The following RABGEF1 variants were observed in gnomAD, a reference collection of about 807,000 sequenced individuals.
The protein encoded by RABGEF1 is rab5 GDP/GTP exchange factor.
Under a neutral mutation model 57.3 loss-of-function variants are expected in RABGEF1, and 26 were observed. The ratio of observed to expected loss-of-function variants is 0.45; its 90% CI spans 0.33 to 0.63. The LOEUF (loss-of-function observed/expected upper bound fraction) is 0.63, where lower values mean the gene tolerates loss of function less well. Among genes scored for constraint, RABGEF1 ranks in the 20% least tolerant of loss-of-function variants. The pLI is 0.02. For missense variants in RABGEF1, 464 were observed against 607.6 expected, an observed-to-expected ratio of 0.76 and a Z score of 2.48; for synonymous variants, 185 against 210.7, an observed-to-expected ratio of 0.88 and a Z score of 1.06.
At chr7:66,745,114 C>T (rs918940753) in intron 1 of RABGEF1, among the ~76,000 whole-genome samples, 27 of 152,096 alleles carry the variant, frequency 1.8e-4, no homozygotes, top group Admixed American at 3.9e-4. Flanking sequence ...ATGGCGTGAA[C>T]CCGGGAGGCG....
At chr7:66,802,589 A>G (rs1470874749) in intron 7 of RABGEF1, among the ~76,000 whole-genome samples, 1 of 152,184 alleles carries the variant, frequency 6.6e-6, no homozygotes, top group African/African-American at 2.4e-5. Context: ...TTCTCCTCAC[A>G]TGTCTCCTAG....
chr7:66,679,247 TTTA>T (rs747161581), upstream of RABGEF1, among the ~76,000 whole-genome samples: 14 of 152,226 alleles, frequency 9.2e-5, no homozygotes, highest in Non-Finnish European at 1.9e-4. Flanking sequence ...TCCCTCATCT[TTTA>T]TTCAGGTCAC....
rs2129200159 is a variant in RABGEF1 at position 66,808,966 on chromosome 7, T to C, written c.1158T>C (p.Ser386=). 1 of 1,614,044 alleles carries C rather than the reference T, an allele frequency of 6.2e-7. No homozygotes were observed. The highest frequency in any genetic ancestry group is 2.2e-5 in the East Asian group (1 of 44,892). Residue 386 remains serine (S), a synonymous_variant, in exon 9 of 9, where the codon TCT becomes TCC. Transcript: ENST00000284957. ...AGGAGGATTTTGATCGCTACATGTC[T>C]GGCCAGACCTCTCCCAGGAAGCAAG... ...LSQEDFDRYM[S]GQTSPRKQEA... is the part of the protein sequence containing the mutation.
chr7:66,781,289 A>G (rs1197118429), intron 3 of RABGEF1, among the ~76,000 whole-genome samples: 1 of 152,204 alleles, frequency 6.6e-6, no homozygotes, highest in East Asian at 1.9e-4. Flanking sequence ...AAGAAAAAAA[A>G]ATTAAAACAG....
chr7:66,656,769 A>G, the RABGEF1 span, among the ~76,000 whole-genome samples: 5,737 of 148,374 alleles, frequency 0.039, 163 homozygotes, highest in East Asian at 0.085. Context: ...GTGGGGAGTC[A>G]AGATCACGCC....
At chr7:66,655,682 A>G in the RABGEF1 span, among the ~76,000 whole-genome samples, 1 of 152,218 alleles carries the variant, frequency 6.6e-6, no homozygotes, top group African/African-American at 2.4e-5. Context: ...CTGCTGTTAA[A>G]GAGTCCGTTC....
At chr7:66,760,401 C>A (rs1188061516) in intron 1 of RABGEF1, among the ~76,000 whole-genome samples, 1 of 151,512 alleles carries the variant, frequency 6.6e-6, no homozygotes, top group South Asian at 2.1e-4. Context: ...TTTAACCATC[C>A]CATAGATGTT....
chr7:66,807,317 G>GCACTCACAGTCTTCAT lies in RABGEF1; in HGVS notation c.1078-1567_1078-1552dup, dbSNP rs564159820. Among the ~76,000 whole-genome samples, 3 of 152,286 alleles carry GCACTCACAGTCTTCAT rather than the reference G, an allele frequency of 2.0e-5. No individual in the cohort carries two copies. In the East Asian group the frequency reaches 5.8e-4, roughly 29 times the overall value. ...AGTTTCCAGCTGACGAACCCCACGG[G>GCACTCACAGTCTTCAT]CACTCACAGTCTTCATCTTCCTTCG... On this transcript the variant is annotated intron_variant, in intron 8 of 8. Transcript: ENST00000284957.
At chr7:66,655,153 G>A in the RABGEF1 span, among the ~76,000 whole-genome samples, 4 of 152,242 alleles carry the variant, frequency 2.6e-5, no homozygotes, top group African/African-American at 9.6e-5. Flanking sequence ...GAAGCGTCCC[G>A]GAGTTGGGAG....
chr7:66,800,278 G>A (rs1417544702), intron 7 of RABGEF1, among the ~76,000 whole-genome samples: 1 of 152,178 alleles, frequency 6.6e-6, no homozygotes, highest in African/African-American at 2.4e-5. Flanking sequence ...GGTTATAAAG[G>A]AGGTGGAGTC....
chr7:66,674,180 G>T, the RABGEF1 span, among the ~76,000 whole-genome samples: 1 of 149,908 alleles, frequency 6.7e-6, no homozygotes, highest in Non-Finnish European at 1.5e-5. Context: ...TTGTGCTTGT[G>T]TCCACTAAAG....
At chr7:66,709,051 C>T (rs1477714605) in intron 1 of RABGEF1, among the ~76,000 whole-genome samples, 1 of 150,684 alleles carries the variant, frequency 6.6e-6, no homozygotes, top group African/African-American at 2.4e-5. Flanking sequence ...GAGTTTCACT[C>T]ATGTCGCCCA....
the RABGEF1 span, among the ~76,000 whole-genome samples, chr7:66,662,952 G>A: frequency 1.3e-5 from 2 of 152,212 alleles, no homozygotes; most frequent in African/African-American, 4.8e-5. Flanking sequence ...GCGTGTGCAG[G>A]CATGTGTGTG....
At chr7:66,733,766 G>A (rs146567776) in intron 2 of RABGEF1, among the ~76,000 whole-genome samples, 3 of 152,240 alleles carry the variant, frequency 2.0e-5, no homozygotes, top group African/African-American at 7.2e-5. Context: ...ACTTTGGGAG[G>A]CTGAGACGGG....
chr7:66,764,687 A>G (rs919959863), intron 1 of RABGEF1, among the ~76,000 whole-genome samples: 1 of 152,096 alleles, frequency 6.6e-6, no homozygotes, highest in African/African-American at 2.4e-5. Context: ...TGGCTATCCA[A>G]TTTTCCCGGC....
intron 1 of RABGEF1, chr7:66,755,848 A>C: frequency 2.2e-6 from 1 of 452,128 alleles, no homozygotes; most frequent in Admixed American, 4.0e-5. Context: ...AGCAGCAATC[A>C]ACTCTACATT....
At chr7:66,775,806 C>T (rs1455052952) in intron 3 of RABGEF1, among the ~76,000 whole-genome samples, 2 of 152,100 alleles carry the variant, frequency 1.3e-5, no homozygotes, top group Non-Finnish European at 2.9e-5. Context: ...GAGAGATTTT[C>T]TGCCTGAGAG....
At chr7:66,713,893 C>T (rs1795060608) in intron 2 of RABGEF1, among the ~76,000 whole-genome samples, 1 of 152,114 alleles carries the variant, frequency 6.6e-6, no homozygotes, top group Non-Finnish European at 1.5e-5. Context: ...AGATATTGAA[C>T]CAGCCTTGCA....
At position 66,734,382 on chromosome 7, in the gene RABGEF1, C is replaced by T. The variant is rs537222471; in HGVS notation, c.-814-5614C>T. ...CTGTGTATTCTGGGTAAGATGCTCA[C>T]CCTCTTTGAGCCTCTGTTTCCTCGT... is the stretch of plus-strand genomic sequence containing the variant. On this transcript the variant is annotated intron_variant and NMD_transcript_variant, in intron 2 of 9. Coordinates refer to the RABGEF1 transcript ENST00000607882. Among the ~76,000 whole-genome samples the T allele has an allele frequency of 2.0e-5, 3 of 152,300 alleles. No homozygotes were observed. The South Asian group carries it at 6.2e-4, about 32-fold the overall frequency.
Sources: allele counts gnomAD v4.1 joint callset (sites outside exome capture counted in the v4.1 genomes callset), GRCh38; gene constraint gnomAD v4.1.1; transcripts MANE v1.5; gene names NCBI Gene and HGNC (gene_info 2026-07-23, HGNC 2026-07-21).